The following SLC25A26 variants were observed in gnomAD, a reference collection of about 807,000 sequenced individuals.
SLC25A26 encodes the protein solute carrier family 25 member 26, also known as mitochondrial S-adenosylmethionine carrier protein.
A neutral mutation model predicts 37.8 loss-of-function variants in SLC25A26; 36 were observed. The observed-to-expected ratio is 0.95, with a 90% CI of 0.73 to 1.26. The LOEUF (loss-of-function observed/expected upper bound fraction) is 1.26. SLC25A26 is among the 50% of genes most tolerant of loss of function. The pLI is 0.00. For synonymous variants in SLC25A26, 129 were observed against 122.5 expected, an observed-to-expected ratio of 1.05 and a Z score of -0.35; for missense variants, 390 against 331.1, an observed-to-expected ratio of 1.18 and a Z score of -1.38.
intron 7 of SLC25A26, among the ~76,000 whole-genome samples, chr3:66,363,938 A>T (rs929640466): frequency 2.6e-5 from 4 of 151,754 alleles, no homozygotes; most frequent in Non-Finnish European, 4.4e-5. Flanking sequence ...ACACATAGTC[A>T]TTAGCTGTGT....
At chr3:66,249,743 G>A (rs553316555) in intron 3 of SLC25A26, among the ~76,000 whole-genome samples, 1 of 152,220 alleles carries the variant, frequency 6.6e-6, no homozygotes, top group Non-Finnish European at 1.5e-5. Context: ...AGTCGTGGGG[G>A]ATAGGTGAAG....
At chr3:66,172,394 G>C (rs1349204109) in intron 1 of SLC25A26, among the ~76,000 whole-genome samples, 1 of 92,152 alleles carries the variant, frequency 1.1e-5, no homozygotes, top group African/African-American at 4.5e-5. Context: ...CTGGGCCAGA[G>C]AGTGATACCT....
intron 5 of SLC25A26, among the ~76,000 whole-genome samples, chr3:66,284,544 T>C (rs1190659886): frequency 6.6e-6 from 1 of 152,088 alleles, no homozygotes; most frequent in African/African-American, 2.4e-5. Flanking sequence ...CAATATTGTT[T>C]ATAACAGGAA....
chr3:66,369,533 G>A lies in SLC25A26; in HGVS notation c.624G>A (p.Thr208=), dbSNP rs779247271. 10 of 1,596,040 alleles carry A rather than the reference G, an allele frequency of 6.3e-6. No individual in the cohort carries two copies. The Admixed American group carries it at 1.4e-4, about 22-fold the overall frequency. ...TPLDVAKTRI[T]LAKAGSSTAD... Reference sequence around the variant, plus strand: ...TAGACGTGGCAAAGACAAGAATTACGCTGGCAAAGGTAAGTGGTGAAATAA... The same window carrying A: ...TAGACGTGGCAAAGACAAGAATTACACTGGCAAAGGTAAGTGGTGAAATAA... Residue 208 remains threonine (T), a synonymous_variant, in exon 8 of 10, where the codon ACG becomes ACA. Coordinates refer to ENST00000354883, the MANE Select transcript of SLC25A26 (RefSeq NM_001379210.1).
At chr3:66,312,676 G>A (rs1324833242) in intron 5 of SLC25A26, among the ~76,000 whole-genome samples, 1 of 152,162 alleles carries the variant, frequency 6.6e-6, no homozygotes, top group Non-Finnish European at 1.5e-5. Context: ...GAAGACTGTG[G>A]GAAAAGCATA....
At position 66,363,278 on chromosome 3, in the gene SLC25A26, T is replaced by G. The variant is rs1042253214; in HGVS notation, c.568+349T>G. 2.6e-5 allele frequency among the ~76,000 whole-genome samples: 4 copies of G among 152,186 alleles called. No individual in the cohort carries two copies. The South Asian group carries it at 8.3e-4, about 31-fold the overall frequency. On this transcript the variant is annotated intron_variant, in intron 7 of 9. Coordinates refer to ENST00000354883, the MANE Select transcript of SLC25A26 (RefSeq NM_001379210.1). ...GGGCTCACCATGCAGCTGTCTGCCT[T>G]GGGCAGTGCTTAGGGGGTTTAAGCG...
chr3:66,151,290 G>A (rs1179609522), intron 1 of SLC25A26, among the ~76,000 whole-genome samples: 1 of 152,038 alleles, frequency 6.6e-6, no homozygotes, highest in African/African-American at 2.4e-5. Context: ...GCGGGCTGTG[G>A]GCATGCTAAG....
intron 1 of SLC25A26, among the ~76,000 whole-genome samples, chr3:66,193,528 C>A (rs985474443): frequency 7.2e-5 from 11 of 152,062 alleles, no homozygotes; most frequent in Non-Finnish European, 1.0e-4. Context: ...TAACTAACAT[C>A]ATTGTCCTTA....
intron 1 of SLC25A26, among the ~76,000 whole-genome samples, chr3:66,180,658 T>A (rs1173771109): frequency 6.6e-6 from 1 of 151,958 alleles, no homozygotes; most frequent in Admixed American, 6.6e-5. Context: ...AAAATTTTGC[T>A]GCAGTGCCTG....
intron 8 of SLC25A26, among the ~76,000 whole-genome samples, chr3:66,370,062 T>C (rs900762838): frequency 6.6e-6 from 1 of 152,162 alleles, no homozygotes; most frequent in Non-Finnish European, 1.5e-5. Context: ...TGTGGAAAAG[T>C]AGAACAAATA....
intron 5 of SLC25A26, among the ~76,000 whole-genome samples, chr3:66,309,211 G>A (rs1160443859): frequency 1.3e-5 from 2 of 152,126 alleles, no homozygotes; most frequent in African/African-American, 4.8e-5. Flanking sequence ...GACTATTCAG[G>A]GATTCGACTT....
chr3:66,352,814 C>G (rs948370453), intron 6 of SLC25A26, among the ~76,000 whole-genome samples: 9 of 151,982 alleles, frequency 5.9e-5, no homozygotes, highest in Non-Finnish European at 1.0e-4. Flanking sequence ...TCCTCTTTCC[C>G]CATTACTCAG....
chr3:66,254,024 A>G (rs2073201538), intron 3 of SLC25A26, among the ~76,000 whole-genome samples: 1 of 152,236 alleles, frequency 6.6e-6, no homozygotes, highest in Non-Finnish European at 1.5e-5. Flanking sequence ...CCGTGACAGC[A>G]GTCTTGTCAG....
At chr3:66,322,889 T>A (rs1003532567) in intron 5 of SLC25A26, among the ~76,000 whole-genome samples, 1 of 152,210 alleles carries the variant, frequency 6.6e-6, no homozygotes, top group South Asian at 2.1e-4. Flanking sequence ...TATAGTTAGG[T>A]TTTGTGATCA....
chr3:66,307,423 G>C (rs2075257668), intron 5 of SLC25A26, among the ~76,000 whole-genome samples: 1 of 151,778 alleles, frequency 6.6e-6, no homozygotes, highest in South Asian at 2.1e-4. Flanking sequence ...CAGATGGATA[G>C]ATTGCAAAAT....
chr3:66,346,449 T>C, intron 6 of SLC25A26, 41 bp downstream of exon 6: 2 of 1,078,496 alleles, frequency 1.9e-6, no homozygotes. Flanking sequence ...TCTCTAATTA[T>C]AACATACCTA....
At chr3:66,212,145 C>T (rs1466732793) in intron 1 of SLC25A26, among the ~76,000 whole-genome samples, 3 of 152,082 alleles carry the variant, frequency 2.0e-5, no homozygotes, top group African/African-American at 7.2e-5. Flanking sequence ...GACTGGGTGT[C>T]CTGTTGTCCA....
intron 1 of SLC25A26, among the ~76,000 whole-genome samples, chr3:66,233,011 C>A (rs1465643074): frequency 6.6e-6 from 1 of 152,158 alleles, no homozygotes; most frequent in African/African-American, 2.4e-5. Context: ...CCGAGACTGT[C>A]GGGAATGTTT....
At chr3:66,141,733 C>A (rs532410336) in intron 1 of SLC25A26, among the ~76,000 whole-genome samples, 1 of 152,118 alleles carries the variant, frequency 6.6e-6, no homozygotes, top group Non-Finnish European at 1.5e-5. Context: ...AGGCTGGTTT[C>A]GAACTCCCGA....
Sources: allele counts gnomAD v4.1 joint callset (sites outside exome capture counted in the v4.1 genomes callset), GRCh38; gene constraint gnomAD v4.1.1; transcripts MANE v1.5; gene names NCBI Gene and HGNC (gene_info 2026-07-23, HGNC 2026-07-21).